The following PSMC6 variants were observed in gnomAD, a reference collection of about 807,000 sequenced individuals.
The protein encoded by PSMC6 is 26S proteasome regulatory subunit 10B.
A neutral mutation model predicts 55.9 loss-of-function variants in PSMC6; 3 were observed. The ratio of observed to expected loss-of-function variants is 0.05; its 90% CI spans 0.02 to 0.14. The LOEUF (loss-of-function observed/expected upper bound fraction) is 0.14. PSMC6 is among the 10% of genes least tolerant of loss of function. The pLI, the probability that PSMC6 is intolerant of heterozygous loss-of-function variation, is 1.00. For synonymous variants in PSMC6, 137 were observed against 155.9 expected, an observed-to-expected ratio of 0.88 and a Z score of 0.90; for missense variants, 210 against 478.7, an observed-to-expected ratio of 0.44 and a Z score of 5.24.
intron 3 of PSMC6, 109 bp from the exon 4 acceptor site, chr14:52,708,655 A>G: frequency 1.3e-6 from 2 of 1,552,654 alleles, no homozygotes; most frequent in South Asian, 1.2e-5. Flanking sequence ...TTTTCCTTCA[A>G]CTAATGTCTC....
rs71125121 is a variant in PSMC6 at position 52,717,330 on chromosome 14, A to ATT, written c.530-730_530-729dup. ...ATGTTGACAGCAGAAGTACTTTGGAATTTTTTTTTTTTTTTTTTTTTTGAG... is the reference window on the plus strand; with the variant it reads ...ATGTTGACAGCAGAAGTACTTTGGAATTTTTTTTTTTTTTTTTTTTTTTTGAG... On this transcript the variant is annotated intron_variant, in intron 7 of 13. Transcript: ENST00000445930. Among the ~76,000 whole-genome samples, 904 of 110,698 alleles carry ATT rather than the reference A, an allele frequency of 8.2e-3. 14 individuals carry two copies. Among genetic ancestry groups the ATT allele is most frequent in the Non-Finnish European group, 9.2e-3 (518 of 56,418 alleles). The allele number at this position is 110,698 out of a possible 152,430, so 72.6% of individuals were successfully genotyped here.
chr14:52,720,766 G>C (rs906263170), intron 10 of PSMC6, 95 bp from the exon 11 acceptor site: 1 of 980,156 alleles, frequency 1.0e-6, no homozygotes, highest in East Asian at 2.6e-5. Flanking sequence ...TCTATCTGTA[G>C]ACAATACATT....
intron 6 of PSMC6, among the ~76,000 whole-genome samples, chr14:52,712,213 A>T (rs1213478046): frequency 6.6e-6 from 1 of 151,350 alleles, no homozygotes; most frequent in Non-Finnish European, 1.5e-5. Flanking sequence ...ACTTCAGTAC[A>T]TTAATTTTTT....
intron 5 of PSMC6, 87 bp from the exon 6 acceptor site, chr14:52,711,323 C>T: frequency 7.6e-7 from 1 of 1,318,446 alleles, no homozygotes; most frequent in Non-Finnish European, 1.1e-6. Context: ...GCTACAGGTG[C>T]TTGCTTGAGC....
At chr14:52,720,300 G>A (rs775448265) in intron 10 of PSMC6, among the ~76,000 whole-genome samples, 5 of 129,610 alleles carry the variant, frequency 3.9e-5, no homozygotes, top group Non-Finnish European at 7.8e-5. Context: ...CCCAGGAGGT[G>A]AAGGTTGCAG....
intron 12 of PSMC6, chr14:52,721,611 A>T (rs1010671800): frequency 6.5e-6 from 1 of 154,648 alleles, no homozygotes; most frequent in Non-Finnish European, 1.4e-5. Context: ...GGTTGCAGGG[A>T]GCTATGATCA....
chr14:52,707,760 A>G (rs2041719677), intron 1 of PSMC6, among the ~76,000 whole-genome samples: 1 of 152,156 alleles, frequency 6.6e-6, no homozygotes. Context: ...ATAATAACCC[A>G]TATCGTCTTG....
chr14:52,718,898 C>G, intron 9 of PSMC6, 79 bp from the exon 10 acceptor site: 1 of 1,068,664 alleles, frequency 9.4e-7, no homozygotes, highest in Non-Finnish European at 1.4e-6. Context: ...AAGCCACAGA[C>G]TGTTATGTTC....
intron 4 of PSMC6, 129 bp from the exon 5 acceptor site, chr14:52,710,972 T>C: frequency 1.3e-6 from 1 of 757,370 alleles, no homozygotes; most frequent in Non-Finnish European, 2.2e-6. Context: ...AGCATAGAGT[T>C]TATAATCTGA....
chr14:52,713,396 T>C (rs1276447068), intron 6 of PSMC6, among the ~76,000 whole-genome samples: 1 of 152,246 alleles, frequency 6.6e-6, no homozygotes, highest in East Asian at 1.9e-4. Context: ...AAAAATTGTA[T>C]ATACCTTTTC....
chr14:52,724,267 A>G (rs1341646324), intron 13 of PSMC6, among the ~76,000 whole-genome samples: 1 of 152,150 alleles, frequency 6.6e-6, no homozygotes, highest in Non-Finnish European at 1.5e-5. Flanking sequence ...GGGAGGTTAG[A>G]TCTCAGAGAA....
intron 10 of PSMC6, among the ~76,000 whole-genome samples, chr14:52,719,422 T>C (rs979649236): frequency 5.3e-5 from 8 of 152,254 alleles, no homozygotes; most frequent in African/African-American, 1.9e-4. Flanking sequence ...AATTATTTTT[T>C]TCTCTCACTT....
Position 52,722,444 on chromosome 14 carries a change from C to T in PSMC6, c.979+1254C>T, listed in dbSNP as rs1880236717. 7 of 149,536 alleles carry T rather than the reference C, an allele frequency of 4.7e-5. No individual in the cohort carries two copies. In the South Asian group the frequency reaches 1.3e-3, roughly 27 times the overall value. 9.3% of individuals were successfully genotyped at this position (149,536 alleles called of 1,614,324 possible). ...AAAGAGAAATTGGCAATGTTCTTTCCTTGAAGAGGGATTGGCCCTATATAT... is the reference window on the plus strand; with the variant it reads ...AAAGAGAAATTGGCAATGTTCTTTCTTTGAAGAGGGATTGGCCCTATATAT... On this transcript the variant is annotated intron_variant, in intron 12 of 13. Transcript: ENST00000445930.
At chr14:52,715,144 A>AG (rs397750738) in intron 7 of PSMC6, among the ~76,000 whole-genome samples, 1 of 151,684 alleles carries the variant, frequency 6.6e-6, no homozygotes, top group African/African-American at 2.4e-5. Context: ...AAAAAAAAAA[A>AG]GTCAGTTTCA....
At chr14:52,712,080 C>T (rs2041778859) in intron 6 of PSMC6, among the ~76,000 whole-genome samples, 1 of 152,168 alleles carries the variant, frequency 6.6e-6, no homozygotes, top group African/African-American at 2.4e-5. Flanking sequence ...TAACTGTTAT[C>T]TGTAAAGCAA....
chr14:52,715,486 G>A (rs754629006), intron 7 of PSMC6, among the ~76,000 whole-genome samples: 433 of 152,258 alleles, frequency 2.8e-3, no homozygotes, highest in Non-Finnish European at 4.8e-3. Context: ...AACAAATTAA[G>A]CCTGTCATGT....
In PSMC6 at chr14:52,713,987, C is replaced by A; in HGVS notation, c.529+19C>A. ...CCACCAGGTTGGTATTGAATTATTT[C>A]TACTCCACCAATAAGATAAATGAAT... On this transcript the variant is annotated intron_variant, in intron 7 of 13. Coordinates refer to ENST00000445930, the MANE Select transcript of PSMC6 (RefSeq NM_002806.5). 7.5e-7 allele frequency: 1 copy of A among 1,331,804 alleles called. No homozygotes were observed. Among genetic ancestry groups the A allele is most frequent in the Non-Finnish European group, 1.1e-6 (1 of 950,316 alleles). The allele number at this position is 1,331,804 out of a possible 1,614,324, so 82.5% of individuals were successfully genotyped here. A position where few individuals can be genotyped will look rare whatever the true frequency, so the allele number is the denominator to read the frequency against.
chr14:52,707,464 C>G (rs75866559), intron 1 of PSMC6, 160 bp downstream of exon 1: 87 of 942,212 alleles, frequency 9.2e-5, no homozygotes, highest in Non-Finnish European at 1.3e-4. Context: ...GCTTGTGGAG[C>G]AGCACTCCTT....
chr14:52,713,202 C>T (rs973296580), intron 6 of PSMC6, among the ~76,000 whole-genome samples: 6 of 152,094 alleles, frequency 3.9e-5, no homozygotes, highest in Non-Finnish European at 8.8e-5. Flanking sequence ...TGCACTCCAG[C>T]CTGGGCAACA....
Sources: gnomAD v4.1 joint callset for allele counts (sites outside exome capture counted in the v4.1 genomes callset) on GRCh38, gnomAD v4.1.1 for gene constraint, MANE v1.5 for transcripts, NCBI Gene and HGNC (gene_info 2026-07-23, HGNC 2026-07-21) for gene names.